The following RNF111 variants were observed in gnomAD, a reference collection of about 807,000 sequenced individuals.
RNF111 encodes the protein E3 ubiquitin-protein ligase Arkadia.
Under a neutral mutation model 95.1 loss-of-function variants are expected in RNF111, and 17 were observed. The ratio of observed to expected loss-of-function variants is 0.18; its 90% CI spans 0.12 to 0.27. The LOEUF is 0.27. RNF111 is among the 10% of genes least tolerant of loss of function. The pLI is 1.00. For missense variants in RNF111, 1,189 were observed against 1,210.4 expected (o/e 0.98, Z 0.26); for synonymous variants, 440 against 414.8 (o/e 1.06, Z -0.74).
chr15:59,041,781 A>G (rs1360094885), intron 2 of RNF111, among the ~76,000 whole-genome samples: 1 of 152,100 alleles, frequency 6.6e-6, no homozygotes, highest in East Asian at 1.9e-4. Context: ...AATCCTTCCA[A>G]CAGAATATGT....
At chr15:59,071,158 C>T (rs1273307886) in intron 6 of RNF111, among the ~76,000 whole-genome samples, 10 of 151,754 alleles carry the variant, frequency 6.6e-5, no homozygotes, top group South Asian at 4.2e-4. Context: ...AGTAGCCGGG[C>T]GTGGTGGTGG....
At chr15:59,038,117 C>A (rs2041272416) in intron 2 of RNF111, among the ~76,000 whole-genome samples, 2 of 152,132 alleles carry the variant, frequency 1.3e-5, no homozygotes, top group Admixed American at 1.3e-4. Flanking sequence ...ATTCACACAA[C>A]CATCGTAGAC....
At chr15:59,074,365 T>A (rs2043073333) in intron 6 of RNF111, among the ~76,000 whole-genome samples, 1 of 152,256 alleles carries the variant, frequency 6.6e-6, no homozygotes, top group African/African-American at 2.4e-5. Flanking sequence ...TTTGTCGACA[T>A]GGAAAATCTG....
At chr15:59,092,472 A>G in intron 12 of RNF111, 65 bp from the exon 13 acceptor site, 1 of 1,519,316 alleles carries the variant, frequency 6.6e-7, no homozygotes, top group Non-Finnish European at 8.8e-7. Flanking sequence ...ATAAACACAG[A>G]CTTTACTCAG....
chr15:59,063,224 T>C lies in RNF111; in HGVS notation c.1367-3540T>C, dbSNP rs577773136. On this transcript the variant is annotated intron_variant, in intron 5 of 13. Transcript: ENST00000348370. ...GAGCCACCTACATTGTGCAAGCATGTTTCTGGTTGCTAGAGATAAAAACAG... is the reference window on the plus strand; with the variant it reads ...GAGCCACCTACATTGTGCAAGCATGCTTCTGGTTGCTAGAGATAAAAACAG... Among the ~76,000 whole-genome samples the C allele has an allele frequency of 6.7e-4, 102 of 152,306 alleles. No individual in the cohort carries two copies. In the Middle Eastern group the frequency reaches 0.014, roughly 20 times the overall value.
At chr15:59,071,128 TCTA>T (rs2042904833) in intron 6 of RNF111, among the ~76,000 whole-genome samples, 1 of 151,804 alleles carries the variant, frequency 6.6e-6, no homozygotes, top group Non-Finnish European at 1.5e-5. Context: ...AAACCCTGTC[TCTA>T]CTAAGTATAC....
intron 2 of RNF111, among the ~76,000 whole-genome samples, chr15:59,050,096 A>C (rs1312392656): frequency 1.4e-5 from 2 of 142,064 alleles, no homozygotes; most frequent in Non-Finnish European, 3.1e-5. Flanking sequence ...ATGAAGTCTC[A>C]TTCTGTTGCC....
intron 10 of RNF111, among the ~76,000 whole-genome samples, chr15:59,088,784 T>C (rs574996224): frequency 6.6e-6 from 1 of 152,318 alleles, no homozygotes; most frequent in South Asian, 2.1e-4. Flanking sequence ...TTAAAAAATA[T>C]TGTAGAATCA....
chr15:59,052,915 G>A (rs189493457), intron 3 of RNF111, among the ~76,000 whole-genome samples: 1 of 152,118 alleles, frequency 6.6e-6, no homozygotes, highest in African/African-American at 2.4e-5. Context: ...TTATAAAATT[G>A]TGTTTTTTAA....
chr15:59,041,961 AT>A (rs79347638), intron 2 of RNF111, among the ~76,000 whole-genome samples: 9,219 of 100,062 alleles, frequency 0.092, 311 homozygotes, highest in Admixed American at 0.2. Context: ...GTCTGTTCAT[AT>A]TTTTTTTTTT....
chr15:59,091,010 A>G, intron 11 of RNF111, 49 bp from the exon 12 acceptor site: 1 of 1,111,668 alleles, frequency 9.0e-7, no homozygotes, highest in South Asian at 1.3e-5. Flanking sequence ...GTTCTGTTCA[A>G]GGAATAATCA....
At chr15:59,081,724 CA>C (rs1406289075) in intron 8 of RNF111, among the ~76,000 whole-genome samples, 4 of 151,846 alleles carry the variant, frequency 2.6e-5, no homozygotes, top group African/African-American at 9.7e-5. Context: ...TGTCCTTTAA[CA>C]ACAGTAGAAA....
At chr15:59,033,299 T>G (rs1219304818) in intron 2 of RNF111, among the ~76,000 whole-genome samples, 1 of 152,224 alleles carries the variant, frequency 6.6e-6, no homozygotes, top group Admixed American at 6.5e-5. Context: ...TCTCTTTCCT[T>G]TTTCATCTGT....
chr15:59,013,126 A>G (rs763719991), intron 1 of RNF111, among the ~76,000 whole-genome samples: 1 of 152,114 alleles, frequency 6.6e-6, no homozygotes, highest in Non-Finnish European at 1.5e-5. Flanking sequence ...ATAGTCACTC[A>G]TTTCTCTCCT....
chr15:59,024,151 ATCT>A (rs2040485584), intron 1 of RNF111, among the ~76,000 whole-genome samples: 1 of 152,158 alleles, frequency 6.6e-6, no homozygotes, highest in African/African-American at 2.4e-5. Flanking sequence ...TTTTCAAGAA[ATCT>A]TAGGTATTAT....
intron 9 of RNF111, among the ~76,000 whole-genome samples, chr15:59,084,532 T>C (rs1160258766): frequency 6.6e-6 from 1 of 152,212 alleles, no homozygotes; most frequent in Non-Finnish European, 1.5e-5. Context: ...TACAGCATAG[T>C]ATTTCAATAC....
chr15:58,988,580 A>G (rs967861278), intron 1 of RNF111, among the ~76,000 whole-genome samples: 4 of 152,206 alleles, frequency 2.6e-5, no homozygotes, highest in African/African-American at 4.8e-5. Flanking sequence ...TGTTTTTACT[A>G]TTGTCCTTCG....
intron 6 of RNF111, among the ~76,000 whole-genome samples, chr15:59,074,736 C>G (rs2043095914): frequency 6.6e-6 from 1 of 152,170 alleles, no homozygotes; most frequent in South Asian, 2.1e-4. Flanking sequence ...CTTTCAGTTT[C>G]TTTCAAGGAT....
At chr15:59,068,589 G>C (rs553269693) in intron 6 of RNF111, among the ~76,000 whole-genome samples, 2 of 152,320 alleles carry the variant, frequency 1.3e-5, no homozygotes, top group East Asian at 3.9e-4. Flanking sequence ...CTGGGCAACA[G>C]AGCAAGACTC....
Sources: gnomAD v4.1 joint callset for allele counts (sites outside exome capture counted in the v4.1 genomes callset) on GRCh38, gnomAD v4.1.1 for gene constraint, MANE v1.5 for transcripts, NCBI Gene and HGNC (gene_info 2026-07-23, HGNC 2026-07-21) for gene names.